The following KDM4B variants were observed in gnomAD, a reference collection of about 807,000 sequenced individuals.
KDM4B encodes lysine-specific demethylase 4B.
In KDM4B, 32 loss-of-function variants were observed where a neutral mutation model predicts 125.2. The observed-to-expected ratio is 0.26, with a 90% CI of 0.19 to 0.34. The LOEUF is 0.34. KDM4B is among the 10% of genes least tolerant of loss of function. The pLI, the probability that KDM4B is intolerant of heterozygous loss-of-function variation, is 1.00. For synonymous variants in KDM4B, 721 were observed against 677.9 expected (o/e 1.06, Z -0.99); for missense variants, 1,190 against 1,577.7 (o/e 0.75, Z 4.16).
intron 1 of KDM4B, among the ~76,000 whole-genome samples, chr19:5,015,763 C>G (rs560338633): frequency 4.3e-4 from 65 of 152,368 alleles, no homozygotes; most frequent in Non-Finnish European, 7.3e-4. Context: ...CTACAAGTAT[C>G]TGAGCGTCTT....
At position 5,058,655 on chromosome 19, in the gene KDM4B, C is replaced by T. The variant is rs189385381; in HGVS notation, c.626+10986C>T. Reference sequence around the variant, plus strand: ...TGTCTGACCAGCCCCTGCCTCACGTCGTGTGCTGAGTCCTGTCTGCGGCCC... The same window carrying T: ...TGTCTGACCAGCCCCTGCCTCACGTTGTGTGCTGAGTCCTGTCTGCGGCCC... On this transcript the variant is annotated intron_variant, in intron 6 of 22. Transcript: ENST00000159111. Among the ~76,000 whole-genome samples, 688 of 152,324 alleles carry T rather than the reference C, an allele frequency of 4.5e-3. 10 individuals are homozygous for T. The highest frequency in any genetic ancestry group is 0.015 in the African/African-American group (629 of 41,570).
At chr19:5,089,204 A>G (rs1260721159) in intron 9 of KDM4B, among the ~76,000 whole-genome samples, 1 of 152,202 alleles carries the variant, frequency 6.6e-6, no homozygotes, top group African/African-American at 2.4e-5. Flanking sequence ...AACTGTCCAG[A>G]AACATCCTTC....
In KDM4B at chr19:5,082,257, C is replaced by G. The variant is rs1042080636; in HGVS notation, c.781-110C>G. On this transcript the variant is annotated intron_variant, in intron 8 of 22. Transcript: ENST00000159111. This position sits in a 1 kb window ranked among gnomAD's most constrained non-coding sequence, Gnocchi z 5.4. ...GGATCACCTTTGACTTTGTGAAACCCCCTTGGCTCATAAGCCAGGCTCCCT... is the reference window on the plus strand; with the variant it reads ...GGATCACCTTTGACTTTGTGAAACCGCCTTGGCTCATAAGCCAGGCTCCCT... 1.3e-5 allele frequency: 17 copies of G among 1,344,454 alleles called. No individual in the cohort carries two copies. The highest frequency in any genetic ancestry group is 1.6e-5 in the Non-Finnish European group (16 of 973,922). The allele number at this position is 1,344,454 out of a possible 1,614,324, so 83.3% of individuals were successfully genotyped here. A position where few individuals can be genotyped will look rare whatever the true frequency, so the allele number is the denominator to read the frequency against.
At chr19:5,024,681 T>G (rs1433586697) in intron 2 of KDM4B, among the ~76,000 whole-genome samples, 1 of 150,746 alleles carries the variant, frequency 6.6e-6, no homozygotes, top group Non-Finnish European at 1.5e-5. Flanking sequence ...CCAGGTGCAG[T>G]GGCTCATGCC....
rs2038304040 is a variant in KDM4B, at chr19:5,081,821, T to TG, written c.781-546_781-545insG. ...TTTGCGCGTGCAGTGGTGGTTCCTT[T>TG]CTCATGCGAGGGCAGAAGGTGTCCT... On this transcript the variant is annotated intron_variant, in intron 8 of 22. Coordinates refer to ENST00000159111, the MANE Select transcript of KDM4B (RefSeq NM_015015.3). This position sits in a 1 kb window ranked among gnomAD's most constrained non-coding sequence, Gnocchi z 4.2. Among the ~76,000 whole-genome samples, 1 of 152,182 alleles carries TG rather than the reference T, an allele frequency of 6.6e-6. No homozygotes were observed. The highest frequency in any genetic ancestry group is 1.5e-5 in the Non-Finnish European group (1 of 68,038).
chr19:5,011,896 C>T (rs1050599751), intron 1 of KDM4B, among the ~76,000 whole-genome samples: 7 of 152,224 alleles, frequency 4.6e-5, no homozygotes, highest in African/African-American at 1.2e-4. Context: ...CCCTGATTCC[C>T]GCCAGTGGTC....
rs2036010066 is a variant in KDM4B, at chr19:5,019,450, GTGT to G, written c.-26+3114_-26+3116del. Reference sequence around the variant, plus strand: ...CGTTGGTGTGCGGGTGTTGGTGTGCGTGTTGGTGTGCAGGTGTGGGTGTTGGTG... The same window carrying G: ...CGTTGGTGTGCGGGTGTTGGTGTGCGTGGTGTGCAGGTGTGGGTGTTGGTG... On this transcript the variant is annotated intron_variant, in intron 2 of 22. Transcript: ENST00000159111. 2.2e-5 allele frequency among the ~76,000 whole-genome samples: 3 copies of G among 136,374 alleles called. 1 individual carries two copies. In the South Asian group the frequency reaches 8.0e-4, roughly 36 times the overall value. The allele number at this position is 136,374 out of a possible 152,430, so 89.5% of individuals were successfully genotyped here. A position where few individuals can be genotyped will look rare whatever the true frequency, so the allele number is the denominator to read the frequency against.
intron 21 of KDM4B, among the ~76,000 whole-genome samples, chr19:5,146,834 G>A (rs750669767): frequency 3.6e-5 from 5 of 140,782 alleles, no homozygotes; most frequent in East Asian, 2.1e-4. Context: ...TCAGCTACTC[G>A]GGATGCTGAG....
rs188981119 is a variant in KDM4B, at chr19:4,979,833, C to A, written c.-109+10603C>A. ...AGTATACAATTCAGGCTGGGCACAG[C>A]GGCTCATGCCTGCAATCCTAGCACT... On this transcript the variant is annotated intron_variant, in intron 1 of 22. Transcript: ENST00000159111. Among the ~76,000 whole-genome samples the A allele has an allele frequency of 3.0e-4, 45 of 152,294 alleles. No individual in the cohort carries two copies. The East Asian group carries it at 6.9e-3, about 24-fold the overall frequency.
intron 2 of KDM4B, among the ~76,000 whole-genome samples, chr19:5,020,125 AG>A (rs1255005255): frequency 1.2e-5 from 1 of 84,580 alleles, no homozygotes; most frequent in Non-Finnish European, 2.6e-5. Context: ...GTTAGTGTGC[AG>A]GTGTTGGTGT....
At chr19:5,111,747 AAACATTT>A in intron 10 of KDM4B, 1 of 764,938 alleles carries the variant, frequency 1.3e-6, no homozygotes, top group Non-Finnish European at 2.4e-6. Context: ...GCCAGAGAGC[AAACATTT>A]GTGACTTGGC....
At chr19:5,090,389 T>C (rs1599598277) in intron 9 of KDM4B, among the ~76,000 whole-genome samples, 15 of 26,252 alleles carry the variant, frequency 5.7e-4, no homozygotes, top group Admixed American at 9.9e-4. Context: ...CCCATATCTC[T>C]CCCCCTCTCT....
At chr19:5,000,579 T>C (rs1298835684) in intron 1 of KDM4B, among the ~76,000 whole-genome samples, 1 of 152,160 alleles carries the variant, frequency 6.6e-6, no homozygotes, top group Non-Finnish European at 1.5e-5. Context: ...ATCCACCCAC[T>C]GCCTACCATA....
Position 4,973,723 on chromosome 19 carries a change from C to T in KDM4B, c.-109+4493C>T, listed in dbSNP as rs143690213. On this transcript the variant is annotated intron_variant, in intron 1 of 22. Transcript: ENST00000159111. ...TTCCCTCCTGCTCCCTTGAGGAGCT[C>T]GGAAAATGGCCTTCCCTGTTGGGGC... Among the ~76,000 whole-genome samples the T allele has an allele frequency of 7.5e-3, 1,130 of 151,480 alleles. 6 individuals carry two copies. The highest frequency in any genetic ancestry group is 0.013 in the Non-Finnish European group (887 of 67,940).
rs746714213 is a variant in KDM4B, at chr19:5,137,677, G to A, written c.2441+1G>A. On this transcript the variant is annotated splice_donor_variant, in intron 17 of 22. Coordinates refer to ENST00000159111, the MANE Select transcript of KDM4B (RefSeq NM_015015.3). LOFTEE classifies it high-confidence loss of function. ...CGCTGCAGATGACCACCGATAGGAG[G>A]TGGGTGGCACCGCGCGTTGGGGCTG... 1 of 1,587,184 alleles carries A rather than the reference G, an allele frequency of 6.3e-7. No homozygotes were observed. Among genetic ancestry groups the A allele is most frequent in the Non-Finnish European group, 8.5e-7 (1 of 1,170,212 alleles).
intron 1 of KDM4B, among the ~76,000 whole-genome samples, chr19:5,011,211 T>C (rs2035716810): frequency 6.6e-6 from 1 of 152,198 alleles, no homozygotes; most frequent in Admixed American, 6.5e-5. Context: ...CAGGGCTCCC[T>C]GGTTCCTCAC....
chr19:4,975,237 G>A (rs1025034164), intron 1 of KDM4B, among the ~76,000 whole-genome samples: 4 of 152,208 alleles, frequency 2.6e-5, no homozygotes, highest in African/African-American at 7.2e-5. Context: ...CTGCTTTGCC[G>A]TTGTAGCAAG....
rs1216998230 is a variant in KDM4B, at chr19:5,032,915, C to G, written c.25C>G (p.Gln9Glu). 1 of 1,614,174 alleles carries G rather than the reference C, an allele frequency of 6.2e-7. No individual in the cohort carries two copies. Among genetic ancestry groups the G allele is most frequent in the Non-Finnish European group, 8.5e-7 (1 of 1,180,032 alleles). Residue 9 changes from glutamine to glutamate, a missense_variant, in exon 3 of 23, where the codon CAG (glutamine) becomes GAG (glutamate). Physicochemically the swap from Gln to Glu is conservative, Grantham distance 29. This residue lies in a region of KDM4B where 139 missense variants were observed against 248.3 expected (regional missense o/e 0.56). Coordinates refer to ENST00000159111, the MANE Select transcript of KDM4B (RefSeq NM_015015.3). ...CATGGGGTCTGAGGACCACGGCGCC[C>G]AGAACCCCAGCTGTAAAATCATGAC... MGSEDHGA[Q>E]NPSCKIMTFR... is the part of the protein sequence containing the mutation.
chr19:5,053,382 C>G (rs1034176846), intron 6 of KDM4B, among the ~76,000 whole-genome samples: 2 of 152,244 alleles, frequency 1.3e-5, no homozygotes, highest in Non-Finnish European at 2.9e-5. Flanking sequence ...CAGCCACACA[C>G]ACTGAGCCAG....
Sources: gnomAD v4.1 joint callset for allele counts (sites outside exome capture counted in the v4.1 genomes callset) on GRCh38, gnomAD v4.1.1 for gene constraint, gnomAD v4.1.1 regional missense constraint, Gnocchi (gnomAD v3.1) non-coding constraint, MANE v1.5 for transcripts, NCBI Gene and HGNC (gene_info 2026-07-23, HGNC 2026-07-21) for gene names.